Variants in PEMT observed in about 807,000 individuals in gnomAD.
PEMT encodes the protein phosphatidylethanolamine N-methyltransferase, also known as phospholipid methyltransferase.
In PEMT, 23 loss-of-function variants were observed where a neutral mutation model predicts 27.4. That is an observed-to-expected ratio of 0.84 (90% CI 0.60 to 1.19). The LOEUF is 1.19. Ranked by LOEUF, PEMT falls within the 50% of genes most tolerant of loss-of-function variation. The pLI is 0.00. For synonymous variants in PEMT, 137 were observed against 139.1 expected, an observed-to-expected ratio of 0.98 and a Z score of 0.11; for missense variants, 307 against 310.1, an observed-to-expected ratio of 0.99 and a Z score of 0.07.
At chr17:17,540,556 G>A (rs1013043601) in intron 2 of PEMT, among the ~76,000 whole-genome samples, 2 of 152,176 alleles carry the variant, frequency 1.3e-5, no homozygotes, top group African/African-American at 4.8e-5. Context: ...CCACCAGCCA[G>A]ACCCCCAGAA....
chr17:17,512,387 T>A lies in PEMT; in HGVS notation c.466+122A>T. On this transcript the variant is annotated intron_variant, in intron 4 of 6. Transcript: ENST00000255389. The surrounding 1 kb of genome is among the most constrained non-coding windows in gnomAD (Gnocchi z 6.3). ...GCCTGGAGGAGCAAAGACGCCCCGA[T>A]GGAGGGGGCCCCTAGCACTCCCACC... 1.1e-6 allele frequency: 1 copy of A among 927,820 alleles called. No individual in the cohort carries two copies. The highest frequency in any genetic ancestry group is 1.7e-5 in the African/African-American group (1 of 58,190). 57.5% of individuals were successfully genotyped at this position (927,820 alleles called of 1,614,324 possible).
chr17:17,570,825 G>A (rs968430531), intron 2 of PEMT: 1 of 985,448 alleles, frequency 1.0e-6, no homozygotes. Context: ...CGGGGGTGAT[G>A]GCACGAAGCC....
chr17:17,533,939 C>T (rs1908281394), intron 2 of PEMT, among the ~76,000 whole-genome samples: 2 of 152,106 alleles, frequency 1.3e-5, no homozygotes, highest in African/African-American at 4.8e-5. Context: ...AACATGTTGG[C>T]TAGGCTGGTC....
At chr17:17,521,367 A>C (rs1907249703) in intron 3 of PEMT, among the ~76,000 whole-genome samples, 1 of 152,202 alleles carries the variant, frequency 6.6e-6, no homozygotes, top group Admixed American at 6.5e-5. Flanking sequence ...CACAGCCTGC[A>C]TCCCCAGGTC....
In PEMT at chr17:17,561,870, G is replaced by A. The variant is rs573320239; in HGVS notation, c.204+15050C>T. Among the ~76,000 whole-genome samples the A allele has an allele frequency of 6.6e-6, 1 of 152,340 alleles. No homozygotes were observed. The highest frequency in any genetic ancestry group is 2.4e-5 in the African/African-American group (1 of 41,586). ...CCACGTGCGGCCTGACCCACAGGAA[G>A]TCCAGTCATAATATTGACACAGGCA... On this transcript the variant is annotated intron_variant, in intron 2 of 6. Coordinates refer to ENST00000255389, the MANE Select transcript of PEMT (RefSeq NM_148172.3). This position sits in a 1 kb window ranked among gnomAD's most constrained non-coding sequence, Gnocchi z 4.5.
chr17:17,559,754 G>C (rs1255735623), intron 2 of PEMT, among the ~76,000 whole-genome samples: 4 of 152,222 alleles, frequency 2.6e-5, no homozygotes, highest in Admixed American at 6.5e-5. Flanking sequence ...CAGAAGTGTG[G>C]GGGCAGAAAA....
At chr17:17,530,668 C>G (rs1011074292) in intron 2 of PEMT, among the ~76,000 whole-genome samples, 1 of 152,036 alleles carries the variant, frequency 6.6e-6, no homozygotes, top group Admixed American at 6.6e-5. Flanking sequence ...TAGACTGCAT[C>G]GAGTAAATCT....
rs528564686 is a variant in PEMT at position 17,516,346 on chromosome 17, GA to G, written c.321-3693del. 3.3e-5 allele frequency among the ~76,000 whole-genome samples: 5 copies of G among 151,986 alleles called. No individual in the cohort carries two copies. The East Asian group carries it at 9.7e-4, about 29-fold the overall frequency. ...AACCCCCGAGACCATCAAAGGGCTT[GA>G]ATTTCGGGCTTTGACGCTGCACTAA... On this transcript the variant is annotated intron_variant, in intron 3 of 6. Transcript: ENST00000255389.
chr17:17,562,665 C>T (rs989042863), intron 2 of PEMT, among the ~76,000 whole-genome samples: 4 of 152,154 alleles, frequency 2.6e-5, no homozygotes, highest in African/African-American at 7.2e-5. Flanking sequence ...AAAAATTAGC[C>T]GGGCATGGTG....
chr17:17,574,575 C>A (rs1281986309), intron 2 of PEMT, among the ~76,000 whole-genome samples: 2 of 152,208 alleles, frequency 1.3e-5, no homozygotes, highest in Non-Finnish European at 2.9e-5. Context: ...CCCACCTCAG[C>A]CTCCCAAAGT....
At chr17:17,558,754 G>C (rs1210936117) in intron 2 of PEMT, among the ~76,000 whole-genome samples, 1 of 150,418 alleles carries the variant, frequency 6.6e-6, no homozygotes, top group Non-Finnish European at 1.5e-5. Flanking sequence ...CGGGTTTGTA[G>C]TGATTTCTGA....
At position 17,576,921 on chromosome 17, in the gene PEMT, A is replaced by T; in HGVS notation, c.203T>A (p.Val68Glu). ...GACAGTGTCAGGCACATCACTTACCACATTCCAGTAGAGCGGATTGAAGGT... is the reference window on the plus strand; with the variant it reads ...GACAGTGTCAGGCACATCACTTACCTCATTCCAGTAGAGCGGATTGAAGGT... Reference protein sequence around the residue: ...TITFNPLYWNVVARWEHKTRK... With the variant: ...TITFNPLYWNEVARWEHKTRK... The change falls in exon 2 of 7, where the codon GTG becomes GAG. Residue 68 changes from valine (V) to glutamate (E), a missense_variant and splice_region_variant. By Grantham distance (121) the Val-to-Glu change is moderately radical. Coordinates refer to ENST00000255389, the MANE Select transcript of PEMT (RefSeq NM_148172.3). The T allele has an allele frequency of 6.2e-7, 1 of 1,612,186 alleles. No individual in the cohort carries two copies. Among genetic ancestry groups the T allele is most frequent in the Non-Finnish European group, 8.5e-7 (1 of 1,178,312 alleles).
At chr17:17,507,525 CAGGCT>C in intron 5 of PEMT, 1 of 348,078 alleles carries the variant, frequency 2.9e-6, no homozygotes, top group Non-Finnish European at 5.3e-6. Context: ...GATCCAAGCC[CAGGCT>C]CCAACCCCAG....
chr17:17,579,326 A>C (rs1020869549), intron 1 of PEMT, among the ~76,000 whole-genome samples: 26 of 152,324 alleles, frequency 1.7e-4, no homozygotes, highest in Middle Eastern at 3.4e-3. Flanking sequence ...ATCAGCCTGC[A>C]TCCCTGAGGT....
chr17:17,533,771 C>A (rs1373664548), intron 2 of PEMT, among the ~76,000 whole-genome samples: 1 of 151,582 alleles, frequency 6.6e-6, no homozygotes, highest in African/African-American at 2.4e-5. Flanking sequence ...TGCTCTGTTG[C>A]CCAGGCTGGA....
chr17:17,537,625 T>A (rs1392876072), intron 2 of PEMT, among the ~76,000 whole-genome samples: 1 of 152,200 alleles, frequency 6.6e-6, no homozygotes, highest in Non-Finnish European at 1.5e-5. Flanking sequence ...CCCTGATACT[T>A]GTCTTCTGGG....
intron 2 of PEMT, among the ~76,000 whole-genome samples, chr17:17,533,137 C>T (rs7210978): frequency 0.13 from 20,094 of 152,226 alleles, 2,378 homozygotes; most frequent in African/African-American, 0.32. Flanking sequence ...TAGGGATAGA[C>T]ATAGACCAAT....
chr17:17,533,889 C>T (rs1908277940), intron 2 of PEMT, among the ~76,000 whole-genome samples: 1 of 152,106 alleles, frequency 6.6e-6, no homozygotes, highest in Admixed American at 6.6e-5. Context: ...TGCCACGACA[C>T]CCGGCTAATT....
At chr17:17,542,457 G>C (rs1027697471) in intron 2 of PEMT, among the ~76,000 whole-genome samples, 2 of 152,108 alleles carry the variant, frequency 1.3e-5, no homozygotes, top group Non-Finnish European at 2.9e-5. Flanking sequence ...AGCTCACCAC[G>C]GGCTCCTGGG....
Sources: gnomAD v4.1 joint callset for allele counts (sites outside exome capture counted in the v4.1 genomes callset) on GRCh38, gnomAD v4.1.1 for gene constraint, Gnocchi (gnomAD v3.1) non-coding constraint, MANE v1.5 for transcripts, NCBI Gene and HGNC (gene_info 2026-07-23, HGNC 2026-07-21) for gene names.